The following BABAM2 variants were observed in gnomAD, a reference collection of about 807,000 sequenced individuals.
BABAM2 encodes BRISC and BRCA1 A complex member 2, also known as BRISC and BRCA1-A complex member 2.
Under a neutral mutation model 54.7 loss-of-function variants are expected in BABAM2, and 31 were observed. That is an observed-to-expected ratio of 0.57 (90% confidence interval 0.43 to 0.77). BABAM2 has a LOEUF of 0.77. Ranked by LOEUF, BABAM2 falls within the 30% of genes least tolerant of loss-of-function variation. The pLI, the probability that BABAM2 is intolerant of heterozygous loss-of-function variation, is 0.00. For missense variants in BABAM2, 364 were observed against 455.8 expected (o/e 0.80, Z 1.83); for synonymous variants, 167 against 162.9 (o/e 1.03, Z -0.19).
chr2:27,985,714 C>T (rs1415160621), intron 3 of BABAM2, among the ~76,000 whole-genome samples: 1 of 152,112 alleles, frequency 6.6e-6, no homozygotes, highest in Admixed American at 6.6e-5. Flanking sequence ...ATGTACTCAC[C>T]TTGTACCGCT....
chr2:28,015,820 G>C (rs1225228074), intron 4 of BABAM2: 1 of 983,650 alleles, frequency 1.0e-6, no homozygotes, highest in Non-Finnish European at 1.4e-6. Flanking sequence ...TTCTTTTTCT[G>C]TTTTGTTTTT....
chr2:27,902,595 T>C (rs1290922885), intron 2 of BABAM2, among the ~76,000 whole-genome samples: 3 of 152,204 alleles, frequency 2.0e-5, no homozygotes, highest in African/African-American at 4.8e-5. Flanking sequence ...TGCGACCTGG[T>C]ATCTCATTGT....
intron 7 of BABAM2, among the ~76,000 whole-genome samples, chr2:28,184,263 C>CCTCTCTCT (rs757881813): frequency 0.021 from 1,258 of 59,322 alleles, 41 homozygotes; most frequent in Non-Finnish European, 0.028. Flanking sequence ...TCCCTCCCTC[C>CCTCTCTCT]CTCTCTCTCT....
chr2:28,255,499 T>C (rs1683893103), intron 10 of BABAM2, among the ~76,000 whole-genome samples: 1 of 152,144 alleles, frequency 6.6e-6, no homozygotes, highest in South Asian at 2.1e-4. Context: ...GGTCTTGAAC[T>C]CCTGACCTCA....
chr2:28,105,671 A>G lies in BABAM2; in HGVS notation c.571-23600A>G, dbSNP rs192357168. On this transcript the variant is annotated intron_variant, in intron 6 of 11. Coordinates refer to ENST00000379624, the MANE Select transcript of BABAM2 (RefSeq NM_199191.3). ...TTAAGGTACGATGCATAGCACCCAG[A>G]CAGAAATAAGCCTTATTAAGCAATT... 1.1e-4 allele frequency among the ~76,000 whole-genome samples: 16 copies of G among 152,334 alleles called. No homozygotes were observed. In the East Asian group the frequency reaches 2.7e-3, roughly 26 times the overall value.
rs1159970092 is a variant in BABAM2, at chr2:28,322,671, C to A, written c.1089-15779C>A. On this transcript the variant is annotated intron_variant, in intron 11 of 11. Transcript: ENST00000379624. The surrounding 1 kb of genome is among the most constrained non-coding windows in gnomAD (Gnocchi z 4.1). ...GCAGTCATGGGCTGTGGTTGGCGGC[C>A]GCAGGCCCCGATGCTTAGGCCAGGC... Among the ~76,000 whole-genome samples the A allele has an allele frequency of 1.3e-5, 2 of 152,214 alleles. No homozygotes were observed. Among genetic ancestry groups the A allele is most frequent in the Non-Finnish European group, 2.9e-5 (2 of 68,046 alleles).
chr2:28,076,587 C>T (rs1484138941), intron 6 of BABAM2, among the ~76,000 whole-genome samples: 2 of 152,024 alleles, frequency 1.3e-5, no homozygotes, highest in African/African-American at 4.8e-5. Flanking sequence ...GCTCTGCCTC[C>T]CGGGTTCGTG....
intron 6 of BABAM2, among the ~76,000 whole-genome samples, chr2:28,116,188 C>G (rs1224475482): frequency 6.6e-6 from 1 of 151,948 alleles, no homozygotes; most frequent in Non-Finnish European, 1.5e-5. Context: ...TGGAGGAGGG[C>G]TTTTGAGGCT....
rs568118487 is a variant in BABAM2, at chr2:28,108,719, T to A, written c.571-20552T>A. On this transcript the variant is annotated intron_variant, in intron 6 of 11. Transcript: ENST00000379624. ...TCTTCATAACTCAGTGTAGAGACACTTTTGATCTCTCTTCCTCTTTGGGAT... is the reference window on the plus strand; with the variant it reads ...TCTTCATAACTCAGTGTAGAGACACATTTGATCTCTCTTCCTCTTTGGGAT... Among the ~76,000 whole-genome samples the A allele has an allele frequency of 3.9e-5, 6 of 152,326 alleles. No homozygotes were observed. In the South Asian group the frequency reaches 1.0e-3, roughly 26 times the overall value.
intron 6 of BABAM2, among the ~76,000 whole-genome samples, chr2:28,120,180 A>G (rs1034330639): frequency 6.6e-6 from 1 of 152,252 alleles, no homozygotes; most frequent in African/African-American, 2.4e-5. Flanking sequence ...ATTAAAACAC[A>G]TAAAGCATAT....
intron 3 of BABAM2, 104 bp from the exon 4 acceptor site, chr2:27,987,889 T>C: frequency 1.0e-6 from 1 of 985,574 alleles, no homozygotes; most frequent in Non-Finnish European, 1.5e-6. Context: ...AATGGTTTTC[T>C]TAAACTAATG....
intron 6 of BABAM2, among the ~76,000 whole-genome samples, chr2:28,067,150 T>C (rs1663675434): frequency 6.6e-6 from 1 of 152,212 alleles, no homozygotes; most frequent in South Asian, 2.1e-4. Flanking sequence ...CAGGCTGGTC[T>C]CAAACTCCTG....
intron 4 of BABAM2, among the ~76,000 whole-genome samples, chr2:27,992,383 A>C (rs1454240630): frequency 6.6e-6 from 1 of 152,176 alleles, no homozygotes; most frequent in Admixed American, 6.5e-5. Context: ...AATTTTATGG[A>C]GGTGGCTGGG....
intron 3 of BABAM2, among the ~76,000 whole-genome samples, chr2:27,937,108 C>T (rs897047301): frequency 7.2e-5 from 11 of 152,048 alleles, no homozygotes; most frequent in African/African-American, 1.7e-4. Context: ...TTGTGATACT[C>T]GCTTTATTGC....
chr2:28,327,717 C>T (rs759606498), intron 11 of BABAM2, among the ~76,000 whole-genome samples: 3 of 152,146 alleles, frequency 2.0e-5, no homozygotes, highest in Non-Finnish European at 4.4e-5. Flanking sequence ...GCTGTGGAAT[C>T]GAGTAGAGGG....
intron 7 of BABAM2, among the ~76,000 whole-genome samples, chr2:28,155,047 AC>A (rs1375513354): frequency 6.6e-6 from 1 of 152,156 alleles, no homozygotes; most frequent in African/African-American, 2.4e-5. Context: ...GTAAACTAAT[AC>A]CTTTGCAACC....
chr2:27,940,727 A>T (rs1668811632), intron 3 of BABAM2, among the ~76,000 whole-genome samples: 1 of 152,194 alleles, frequency 6.6e-6, no homozygotes, highest in African/African-American at 2.4e-5. Context: ...ACTAACATAA[A>T]TTGAAGAATT....
intron 1 of BABAM2, among the ~76,000 whole-genome samples, chr2:27,893,852 G>A (rs1665057660): frequency 6.6e-6 from 1 of 151,992 alleles, no homozygotes; most frequent in African/African-American, 2.4e-5. Context: ...AAATTAGCTG[G>A]GCGTGGTGGC....
chr2:28,095,636 A>C (rs1477396376), intron 6 of BABAM2, among the ~76,000 whole-genome samples: 1 of 152,218 alleles, frequency 6.6e-6, no homozygotes, highest in Non-Finnish European at 1.5e-5. Flanking sequence ...ATATCTATTT[A>C]GAGCTGTTCA....
Sources: allele counts gnomAD v4.1 joint callset (sites outside exome capture counted in the v4.1 genomes callset), GRCh38; gene constraint gnomAD v4.1.1; non-coding constraint Gnocchi (gnomAD v3.1); transcripts MANE v1.5; gene names NCBI Gene and HGNC (gene_info 2026-07-23, HGNC 2026-07-21).